The following TXNL1 variants were observed in gnomAD, a reference collection of about 807,000 sequenced individuals.
TXNL1 encodes the protein thioredoxin-like protein 1.
In TXNL1, 14 loss-of-function variants were observed where a neutral mutation model predicts 35.5. The ratio of observed to expected loss-of-function variants is 0.39; its 90% CI spans 0.26 to 0.62. TXNL1 has a LOEUF of 0.62. Ranked by LOEUF, TXNL1 falls within the 20% of genes least tolerant of loss-of-function variation. The probability of loss-of-function intolerance (pLI) is 0.47; values close to 1 mark genes in which losing one functional copy is unlikely to be tolerated. For synonymous variants in TXNL1, 110 were observed against 115.5 expected (o/e 0.95, Z 0.31); for missense variants, 263 against 349.7 (o/e 0.75, Z 1.98).
intron 7 of TXNL1, chr18:56,604,541 T>TATTC (rs1397953524): frequency 6.6e-6 from 1 of 152,216 alleles, no homozygotes; most frequent in Non-Finnish European, 1.5e-5. Flanking sequence ...AAAGCTCTTT[T>TATTC]ATTCATTCTT....
intron 3 of TXNL1, among the ~76,000 whole-genome samples, chr18:56,623,228 G>C (rs1337928730): frequency 6.6e-6 from 1 of 152,192 alleles, no homozygotes; most frequent in African/African-American, 2.4e-5. Flanking sequence ...AGGAGTTCGA[G>C]ACCAGCCTGG....
chr18:56,622,606 A>G (rs1406192802), intron 3 of TXNL1, among the ~76,000 whole-genome samples: 1 of 152,204 alleles, frequency 6.6e-6, no homozygotes, highest in Admixed American at 6.5e-5. Flanking sequence ...TTGCACAAAA[A>G]CTAAATTTTT....
At chr18:56,621,736 A>T (rs2024189949) in intron 3 of TXNL1, among the ~76,000 whole-genome samples, 1 of 152,108 alleles carries the variant, frequency 6.6e-6, no homozygotes, top group South Asian at 2.1e-4. Context: ...GCAGTGGCTC[A>T]CACGTGTAAT....
rs2023780994 is a variant in TXNL1 at position 56,599,297 on chromosome 18, T to G, written c.*3730A>C. The G allele has an allele frequency of 6.6e-6, 1 of 151,514 alleles. No individual in the cohort carries two copies. Among genetic ancestry groups the G allele is most frequent in the Non-Finnish European group, 1.5e-5 (1 of 67,934 alleles). 9.4% of individuals were successfully genotyped at this position (151,514 alleles called of 1,614,324 possible). ...AGCATGTTAAAAAAAAAAAAAAACC[T>G]TATTGATCAAAAATAAAACTTGAAT... is the stretch of plus-strand genomic sequence containing the variant. On this transcript the variant is annotated 3_prime_UTR_variant, in exon 8 of 8. Transcript: ENST00000217515.
In TXNL1 at chr18:56,633,983, CAAAAAAAAAAAAAA is replaced by C. The variant is rs71169380; in HGVS notation, c.98+4346_98+4359del. On this transcript the variant is annotated intron_variant, in intron 1 of 7. Coordinates refer to ENST00000217515, the MANE Select transcript of TXNL1 (RefSeq NM_004786.3). The stretch of plus-strand genomic sequence containing the variant: ...TGGATGACAGAGCAAGACTCCATCT[CAAAAAAAAAAAAAA>C]AAAAAAAAAAAATCATTCACACTGT... Among the ~76,000 whole-genome samples, 5 of 51,298 alleles carry C rather than the reference CAAAAAAAAAAAAAA, an allele frequency of 9.7e-5. No individual in the cohort carries two copies. In the East Asian group the frequency reaches 3.1e-3, roughly 32 times the overall value. 33.7% of individuals were successfully genotyped at this position (51,298 alleles called of 152,430 possible). A position where few individuals can be genotyped will look rare whatever the true frequency, so the allele number is the denominator to read the frequency against.
At chr18:56,604,906 T>C (rs1161829551) in intron 7 of TXNL1, among the ~76,000 whole-genome samples, 1 of 152,162 alleles carries the variant, frequency 6.6e-6, no homozygotes, top group Non-Finnish European at 1.5e-5. Flanking sequence ...GGAAATAAAA[T>C]TTAAAGTTTA....
chr18:56,630,190 C>A (rs1568108813), intron 1 of TXNL1, among the ~76,000 whole-genome samples: 1 of 150,302 alleles, frequency 6.7e-6, no homozygotes, highest in Non-Finnish European at 1.5e-5. Flanking sequence ...GAGCAAGACT[C>A]CAACTTGGAA....
At chr18:56,623,748 T>C (rs998834316) in intron 3 of TXNL1, among the ~76,000 whole-genome samples, 6 of 151,996 alleles carry the variant, frequency 3.9e-5, no homozygotes, top group Non-Finnish European at 7.4e-5. Flanking sequence ...AAACCTAGAA[T>C]ACATGTGATA....
At chr18:56,631,006 A>G (rs1203474739) in intron 1 of TXNL1, among the ~76,000 whole-genome samples, 1 of 151,656 alleles carries the variant, frequency 6.6e-6, no homozygotes, top group Non-Finnish European at 1.5e-5. Flanking sequence ...TCAGCCTCCC[A>G]AGCAGCTGAG....
At chr18:56,606,718 T>C (rs1355946019) in intron 7 of TXNL1, among the ~76,000 whole-genome samples, 1 of 152,256 alleles carries the variant, frequency 6.6e-6, no homozygotes, top group African/African-American at 2.4e-5. Context: ...AACTAAGCTT[T>C]GATTAATTTT....
intron 1 of TXNL1, among the ~76,000 whole-genome samples, chr18:56,627,300 G>A (rs1182904898): frequency 6.6e-6 from 1 of 152,122 alleles, no homozygotes; most frequent in Non-Finnish European, 1.5e-5. Context: ...TTATGAATTT[G>A]AAACTCAATA....
Position 56,638,377 on chromosome 18 carries a change from A to T in TXNL1, c.64T>A (p.Ser22Thr), listed in dbSNP as rs1374311083. The change falls in exon 1 of 8, where the codon TCC becomes ACC. Residue 22 changes from serine to threonine, a missense_variant. Ser to Thr is a moderately conservative substitution (Grantham distance 58). Transcript: ENST00000217515. ...GTGAACTTGACCACGGCGAGTCTGG[A>T]GCCCGCGCCGCTCAGCTCTGGCTGG... ...DFQPELSGAG[S>T]RLAVVKFTMR... The T allele has an allele frequency of 6.2e-7, 1 of 1,613,446 alleles. No homozygotes were observed. The highest frequency in any genetic ancestry group is 8.5e-7 in the Non-Finnish European group (1 of 1,179,710).
At chr18:56,627,048 A>G (rs903146266) in intron 1 of TXNL1, among the ~76,000 whole-genome samples, 3 of 150,814 alleles carry the variant, frequency 2.0e-5, no homozygotes, top group African/African-American at 7.3e-5. Flanking sequence ...CCTGGGTTCA[A>G]GTGATCCTCC....
intron 3 of TXNL1, among the ~76,000 whole-genome samples, chr18:56,622,086 CAT>C (rs1458984128): frequency 6.7e-6 from 1 of 149,840 alleles, no homozygotes; most frequent in Admixed American, 6.6e-5. Context: ...TCATTAGCCA[CAT>C]GTGGCAATTT....
rs140975005 is a variant in TXNL1 at position 56,602,763 on chromosome 18, G to T, written c.*264C>A. Reference sequence around the variant, plus strand: ...GACACTTAAGTCTCTACTAAAATCAGAAGTTAACCAGTTTTCAAATACATG... The same window carrying T: ...GACACTTAAGTCTCTACTAAAATCATAAGTTAACCAGTTTTCAAATACATG... On this transcript the variant is annotated 3_prime_UTR_variant, in exon 8 of 8. Transcript: ENST00000217515. 39 of 547,916 alleles carry T rather than the reference G, an allele frequency of 7.1e-5. No individual in the cohort carries two copies. Among genetic ancestry groups the T allele is most frequent in the African/African-American group, 6.7e-4 (35 of 52,432 alleles). 33.9% of individuals were successfully genotyped at this position (547,916 alleles called of 1,614,324 possible).
intron 3 of TXNL1, among the ~76,000 whole-genome samples, chr18:56,620,572 T>G (rs2024164115): frequency 6.6e-6 from 1 of 152,222 alleles, no homozygotes; most frequent in East Asian, 1.9e-4. Context: ...GCTGGTCTAT[T>G]TAGGTGTTCT....
intron 3 of TXNL1, among the ~76,000 whole-genome samples, chr18:56,622,251 C>T (rs1225711755): frequency 6.6e-6 from 1 of 150,902 alleles, no homozygotes; most frequent in African/African-American, 2.4e-5. Flanking sequence ...AAAACCATGA[C>T]AGAAAAAAAA....
intron 1 of TXNL1, among the ~76,000 whole-genome samples, chr18:56,634,408 A>T (rs909461592): frequency 1.3e-5 from 2 of 152,192 alleles, no homozygotes; most frequent in African/African-American, 4.8e-5. Flanking sequence ...CTCAACTGTA[A>T]AACAAGGATA....
intron 1 of TXNL1, among the ~76,000 whole-genome samples, chr18:56,628,071 C>T (rs1470274606): frequency 1.3e-5 from 2 of 152,108 alleles, no homozygotes; most frequent in Admixed American, 6.5e-5. Context: ...TGAATAGGTA[C>T]TTGACAAATG....
Sources: gnomAD v4.1 joint callset for allele counts (sites outside exome capture counted in the v4.1 genomes callset) on GRCh38, gnomAD v4.1.1 for gene constraint, MANE v1.5 for transcripts, NCBI Gene and HGNC (gene_info 2026-07-23, HGNC 2026-07-21) for gene names.